Variants in PRRC2C observed in about 807,000 individuals in gnomAD.
PRRC2C encodes protein PRRC2C.
A neutral mutation model predicts 317.2 loss-of-function variants in PRRC2C; 72 were observed. That is an observed-to-expected ratio of 0.23 (90% CI 0.19 to 0.28). The LOEUF (loss-of-function observed/expected upper bound fraction) is 0.28. Ranked by LOEUF, PRRC2C falls within the 10% of genes least tolerant of loss-of-function variation. The probability of loss-of-function intolerance (pLI) is 1.00; values close to 1 mark genes in which losing one functional copy is unlikely to be tolerated. For missense variants in PRRC2C, 3,074 were observed against 3,459.7 expected (o/e 0.89, Z 2.80); for synonymous variants, 1,296 against 1,205.9 (o/e 1.07, Z -1.55).
At chr1:171,579,788 G>A in intron 27 of PRRC2C, 40 bp from the exon 28 acceptor site, 1 of 1,493,828 alleles carries the variant, frequency 6.7e-7, no homozygotes, top group Non-Finnish European at 8.9e-7. Flanking sequence ...TCTGTATGAT[G>A]TTGATATATA....
Position 171,540,173 on chromosome 1 carries a change from C to A in PRRC2C, c.2707C>A (p.Gln903Lys). ...NQSACFEAPD[Q>K]KTLSAPQEER... ...GTCTGCTTGTTTTGAAGCACCTGAT[C>A]AAAAGACCTTATCCGCTCCTCAAGA... The change falls in exon 16 of 35, where the codon CAA (glutamine) becomes AAA (lysine). Residue 903 changes from glutamine (Q) to lysine (K), a missense_variant. Gln to Lys is a moderately conservative substitution (Grantham distance 53). This residue lies in a region of PRRC2C where 1,320 missense variants were observed against 1,395.7 expected (regional missense o/e 0.95). Coordinates refer to ENST00000647382, the MANE Select transcript of PRRC2C (RefSeq NM_001387844.1). 6.2e-7 allele frequency: 1 copy of A among 1,613,824 alleles called. No homozygotes were observed. Among genetic ancestry groups the A allele is most frequent in the South Asian group, 1.1e-5 (1 of 91,038 alleles).
chr1:171,501,933 C>A (rs1385333822), intron 1 of PRRC2C, among the ~76,000 whole-genome samples: 2 of 152,202 alleles, frequency 1.3e-5, no homozygotes, highest in South Asian at 4.1e-4. Context: ...CCTCCAGTGG[C>A]TTTTCTTGCC....
At position 171,532,933 on chromosome 1, in the gene PRRC2C, A is replaced by G. The variant is rs1676135037; in HGVS notation, c.1845A>G (p.Lys615=). Reference sequence around the variant, plus strand: ...CTAATTTAGAGCCCATGGTAGAAAAACAAGAAAGTGAAAACAGCTGTAATA... The same window carrying G: ...CTAATTTAGAGCCCATGGTAGAAAAGCAAGAAAGTGAAAACAGCTGTAATA... The part of the protein sequence containing the change: ...REPNLEPMVE[K]QESENSCNKE... The change falls in exon 12 of 35, where the codon AAA becomes AAG. Residue 615 remains lysine, a synonymous_variant. Transcript: ENST00000647382. The G allele has an allele frequency of 6.4e-7, 1 of 1,562,500 alleles. No homozygotes were observed. Among genetic ancestry groups the G allele is most frequent in the Non-Finnish European group, 8.6e-7 (1 of 1,165,616 alleles).
chr1:171,543,012 G>A (rs984384450), intron 16 of PRRC2C, among the ~76,000 whole-genome samples: 2 of 149,012 alleles, frequency 1.3e-5, no homozygotes, highest in African/African-American at 2.5e-5. Context: ...CACCCGCCTC[G>A]GCCTCCCAAA....
intron 25 of PRRC2C, among the ~76,000 whole-genome samples, chr1:171,575,897 T>A (rs964608231): frequency 6.6e-6 from 1 of 152,208 alleles, no homozygotes; most frequent in Non-Finnish European, 1.5e-5. Context: ...GTGATATAAA[T>A]TACTTTGTTT....
intron 15 of PRRC2C, among the ~76,000 whole-genome samples, chr1:171,538,213 C>T (rs997173023): frequency 1.3e-5 from 2 of 152,150 alleles, no homozygotes; most frequent in African/African-American, 4.8e-5. Flanking sequence ...TGGGCTCAAG[C>T]AGTCTGACTG....
In PRRC2C at chr1:171,542,123, C is replaced by T. The variant is rs1231239805; in HGVS notation, c.4657C>T (p.Arg1553Cys). The change falls in exon 16 of 35, where the codon CGT becomes TGT. Residue 1553 changes from arginine to cysteine, a missense_variant. Around this residue, in one of 11 missense-constraint regions of PRRC2C, gnomAD observed 178 missense variants for 163.0 expected, o/e 1.09. Transcript: ENST00000647382. Reference protein sequence around the residue: ...RSFSSQRPVDRQNRRGNNGPP... With the variant: ...RSFSSQRPVDCQNRRGNNGPP... ...TTTTTCTAGTCAGAGACCAGTAGAT[C>T]GTCAGAATCGACGTGGCAACAATGG... 13 of 1,613,186 alleles carry T rather than the reference C, an allele frequency of 8.1e-6. No individual in the cohort carries two copies. The highest frequency in any genetic ancestry group is 1.1e-5 in the South Asian group (1 of 90,926).
chr1:171,518,952 G>C (rs1361063834), intron 6 of PRRC2C, among the ~76,000 whole-genome samples: 1 of 148,034 alleles, frequency 6.8e-6, no homozygotes, highest in Non-Finnish European at 1.5e-5. Context: ...GCATGATGTC[G>C]GCTCACTGCA....
At position 171,541,134 on chromosome 1, in the gene PRRC2C, A is replaced by G. The variant is rs1407472301; in HGVS notation, c.3668A>G (p.Tyr1223Cys). 3 of 1,613,862 alleles carry G rather than the reference A, an allele frequency of 1.9e-6. No individual in the cohort carries two copies. The highest frequency in any genetic ancestry group is 1.3e-5 in the African/African-American group (1 of 75,032). ...GRGHTRDYPQYRDNKPRAEHI... is the reference protein window; with the variant it reads ...GRGHTRDYPQCRDNKPRAEHI... Reference sequence around the variant, plus strand: ...GGACACACTCGAGATTATCCTCAGTATAGAGACAATAAGCCAAGAGCAGAG... The same window carrying G: ...GGACACACTCGAGATTATCCTCAGTGTAGAGACAATAAGCCAAGAGCAGAG... Residue 1223 changes from tyrosine (Y) to cysteine (C), a missense_variant, in exon 16 of 35, where the codon TAT becomes TGT. Coordinates refer to ENST00000647382, the MANE Select transcript of PRRC2C (RefSeq NM_001387844.1). The surrounding 1 kb of genome is among the most constrained non-coding windows in gnomAD (Gnocchi z 4.1).
At chr1:171,531,218 G>T (rs575835215) in intron 11 of PRRC2C, among the ~76,000 whole-genome samples, 3 of 152,318 alleles carry the variant, frequency 2.0e-5, no homozygotes, top group Non-Finnish European at 4.4e-5. Context: ...GCAGAGGAGT[G>T]ATGGAAATGT....
Position 171,577,589 on chromosome 1 carries a change from G to A in PRRC2C, c.7111G>A (p.Ala2371Thr), listed in dbSNP as rs773106947. The A allele has an allele frequency of 6.2e-7, 1 of 1,613,726 alleles. No individual in the cohort carries two copies. The highest frequency in any genetic ancestry group is 1.1e-5 in the South Asian group (1 of 91,064). Residue 2371 changes from alanine to threonine, a missense_variant, in exon 26 of 35, where the codon GCC (alanine) becomes ACC (threonine). By Grantham distance (58) the Ala-to-Thr change is moderately conservative. Coordinates refer to ENST00000647382, the MANE Select transcript of PRRC2C (RefSeq NM_001387844.1). ...GTTAAGCTGTATGCCTTCCCTTATT[G>A]CCCAGCAGCAACAGAATCCGCAAGT... ...SQLSCMPSLI[A>T]QQQQNPQVYV...
chr1:171,550,788 G>A (rs1203743306), intron 18 of PRRC2C, among the ~76,000 whole-genome samples: 1 of 152,060 alleles, frequency 6.6e-6, no homozygotes, highest in African/African-American at 2.4e-5. Flanking sequence ...CCCTGCAAAG[G>A]ACATGAACTC....
chr1:171,545,768 A>G (rs1176220454), intron 17 of PRRC2C, 81 bp downstream of exon 17: 1 of 951,254 alleles, frequency 1.1e-6, no homozygotes, highest in Non-Finnish European at 1.4e-6. Context: ...TAAAATGTAG[A>G]TGCCACAATT....
chr1:171,569,596 T>G (rs1275237669), intron 23 of PRRC2C, among the ~76,000 whole-genome samples: 38 of 26,698 alleles, frequency 1.4e-3, no homozygotes, highest in Admixed American at 3.7e-3. Context: ...ATATATATGG[T>G]TTTTTTTTTC....
chr1:171,541,751 C>T lies in PRRC2C; in HGVS notation c.4285C>T (p.Arg1429Ter). The change falls in exon 16 of 35, where the codon CGA (arginine) becomes TGA (stop). Residue 1429 changes from arginine (R) to a stop codon, truncating the protein, a stop_gained. Coordinates refer to ENST00000647382, the MANE Select transcript of PRRC2C (RefSeq NM_001387844.1). LOFTEE classifies it high-confidence loss of function. This position sits in a 1 kb window ranked among gnomAD's most constrained non-coding sequence, Gnocchi z 4.1. ...RERPRRQRPT[R>*]PPRQDKPPRF... ...AAGGCCTCGAAGGCAGCGTCCTACT[C>T]GACCACCAAGGCAAGACAAGCCACC... is the stretch of plus-strand genomic sequence containing the variant. 1 of 1,613,904 alleles carries T rather than the reference C, an allele frequency of 6.2e-7. No individual in the cohort carries two copies. The highest frequency in any genetic ancestry group is 8.5e-7 in the Non-Finnish European group (1 of 1,179,870).
chr1:171,494,960 T>A (rs140113605), intron 1 of PRRC2C, among the ~76,000 whole-genome samples: 169 of 152,336 alleles, frequency 1.1e-3, no homozygotes, highest in African/African-American at 3.8e-3. Context: ...AAATTACACG[T>A]CATTTCACAG....
At chr1:171,587,435 G>T (rs1251303209) in intron 31 of PRRC2C, among the ~76,000 whole-genome samples, 1 of 152,114 alleles carries the variant, frequency 6.6e-6, no homozygotes, top group Non-Finnish European at 1.5e-5. Flanking sequence ...CAAATTTATT[G>T]GAAGAATTGG....
In PRRC2C at chr1:171,524,842, C is replaced by T. The variant is rs1401485719; in HGVS notation, c.1077C>T (p.Ala359=). ...ENNSEDQGSK[A]SENNENKKET... ...TCAGTGAGGATCAAGGTTCAAAAGC[C>T]TCTGAAAACAACGAAAACAAAAAAG... Residue 359 remains alanine, a synonymous_variant, in exon 10 of 35, where the codon GCC becomes GCT. Coordinates refer to ENST00000647382, the MANE Select transcript of PRRC2C (RefSeq NM_001387844.1). 1.9e-6 allele frequency: 3 copies of T among 1,576,392 alleles called. No individual in the cohort carries two copies. In the African/African-American group the frequency reaches 4.0e-5, roughly 21 times the overall value.
intron 4 of PRRC2C, among the ~76,000 whole-genome samples, chr1:171,514,990 C>G (rs1161472309): frequency 6.6e-6 from 1 of 152,196 alleles, no homozygotes; most frequent in Admixed American, 6.5e-5. Context: ...TCATCTATGT[C>G]CCCAACATCT....
Sources: gnomAD v4.1 joint callset for allele counts (sites outside exome capture counted in the v4.1 genomes callset) on GRCh38, gnomAD v4.1.1 for gene constraint, gnomAD v4.1.1 regional missense constraint, Gnocchi (gnomAD v3.1) non-coding constraint, MANE v1.5 for transcripts, NCBI Gene and HGNC (gene_info 2026-07-23, HGNC 2026-07-21) for gene names.